Variants in CRACD observed in about 807,000 individuals in gnomAD.
CRACD encodes capping protein inhibiting regulator of actin dynamics.
A neutral mutation model predicts 106.8 loss-of-function variants in CRACD; 56 were observed. The observed-to-expected ratio is 0.52, with a 90% CI of 0.42 to 0.66. CRACD has a LOEUF of 0.66. Ranked by LOEUF, CRACD falls within the 30% of genes least tolerant of loss-of-function variation. CRACD has a pLI of 0.00. For missense variants in CRACD, 1,730 were observed against 1,623.2 expected, an observed-to-expected ratio of 1.07 and a Z score of -1.13; for synonymous variants, 754 against 670.8, an observed-to-expected ratio of 1.12 and a Z score of -1.92.
chr4:56,132,055 A>T lies in CRACD; in HGVS notation c.-335-47229A>T, dbSNP rs1460232944. Among the ~76,000 whole-genome samples, 3 of 152,208 alleles carry T rather than the reference A, an allele frequency of 2.0e-5. No individual in the cohort carries two copies. In the East Asian group the frequency reaches 5.8e-4, roughly 29 times the overall value. ...ATGGCTATACATTCAATTATATTTT[A>T]TTATTATTTTTAGACAGGGCCTTGC... On this transcript the variant is annotated intron_variant, in intron 1 of 10. Transcript: ENST00000682029.
At chr4:56,241,500 T>C (rs1434543466) in intron 2 of CRACD, among the ~76,000 whole-genome samples, 3 of 152,088 alleles carry the variant, frequency 2.0e-5, no homozygotes, top group African/African-American at 7.2e-5. Flanking sequence ...CTGTTTCTCT[T>C]TGGAAACCGG....
At chr4:56,052,505 G>A (rs1211355798) in intron 1 of CRACD, among the ~76,000 whole-genome samples, 3 of 152,082 alleles carry the variant, frequency 2.0e-5, no homozygotes, top group Non-Finnish European at 4.4e-5. Flanking sequence ...ACATCAATTG[G>A]AGTTTGAATA....
chr4:56,314,994 G>T lies in CRACD; in HGVS notation c.1492G>T (p.Val498Leu). 1 of 1,586,954 alleles carries T rather than the reference G, an allele frequency of 6.3e-7. No individual in the cohort carries two copies. The highest frequency in any genetic ancestry group is 8.6e-7 in the Non-Finnish European group (1 of 1,167,920). The change falls in exon 8 of 11, where the codon GTG becomes TTG. Residue 498 changes from valine (V) to leucine (L), a missense_variant. Val to Leu is a conservative substitution (Grantham distance 32). Around this residue, in one of 5 missense-constraint regions of CRACD, gnomAD observed 1,620 missense variants for 1,481.6 expected, o/e 1.09. Coordinates refer to ENST00000682029, the MANE Select transcript of CRACD (RefSeq NM_001393381.1). This position sits in a 1 kb window ranked among gnomAD's most constrained non-coding sequence, Gnocchi z 4.4. ...TEPLLKQEGPVEAAQPPVERK... is the reference protein window; with the variant it reads ...TEPLLKQEGPLEAAQPPVERK... ...GCCTCTCCTGAAACAAGAGGGGCCG[G>T]TGGAAGCCGCGCAGCCTCCGGTGGA... is the stretch of plus-strand genomic sequence containing the variant.
intron 4 of CRACD, 114 bp downstream of exon 4, chr4:56,298,463 C>A: frequency 8.0e-7 from 1 of 1,252,378 alleles, no homozygotes; most frequent in Non-Finnish European, 1.1e-6. Context: ...CCAGAGGTCA[C>A]TCCTGGTGAG....
At position 56,182,319 on chromosome 4, in the gene CRACD, G is replaced by A. The variant is rs1736861816; in HGVS notation, c.-189+2889G>A. Among the ~76,000 whole-genome samples the A allele has an allele frequency of 5.3e-5, 8 of 151,790 alleles. 1 individual carries two copies. The South Asian group carries it at 1.7e-3, about 32-fold the overall frequency. On this transcript the variant is annotated intron_variant, in intron 2 of 10. Transcript: ENST00000682029. Reference sequence around the variant, plus strand: ...GGGGAGGTTGAAGCTGCAGTGAGCTGAGATTTTACCACTGCACCCCAGCCT... The same window carrying A: ...GGGGAGGTTGAAGCTGCAGTGAGCTAAGATTTTACCACTGCACCCCAGCCT...
chr4:56,160,023 C>A (rs970036899), intron 1 of CRACD, among the ~76,000 whole-genome samples: 2 of 151,924 alleles, frequency 1.3e-5, no homozygotes, highest in Non-Finnish European at 2.9e-5. Context: ...TCAGGTAATT[C>A]GCCCGCCTCG....
chr4:56,127,095 T>C (rs1734684636), intron 1 of CRACD, among the ~76,000 whole-genome samples: 4 of 152,274 alleles, frequency 2.6e-5, no homozygotes, highest in Middle Eastern at 3.4e-3. Context: ...GGTGCTCTTA[T>C]GAAAGGGCTT....
At chr4:56,197,273 A>C (rs1737655030) in intron 2 of CRACD, among the ~76,000 whole-genome samples, 1 of 152,174 alleles carries the variant, frequency 6.6e-6, no homozygotes, top group Non-Finnish European at 1.5e-5. Flanking sequence ...AGATTAAAAA[A>C]AAAAATGTAG....
chr4:56,112,018 G>A (rs1223807899), intron 1 of CRACD, among the ~76,000 whole-genome samples: 1 of 152,162 alleles, frequency 6.6e-6, no homozygotes, highest in Non-Finnish European at 1.5e-5. Context: ...TGAGATAAAA[G>A]ACACTTATGA....
chr4:56,049,550 C>G (rs1268440984), intron 1 of CRACD, among the ~76,000 whole-genome samples: 1 of 152,126 alleles, frequency 6.6e-6, no homozygotes, highest in Admixed American at 6.5e-5. Context: ...GGGAACCTGC[C>G]GCCGGGCTGC....
intron 5 of CRACD, chr4:56,308,816 A>T: frequency 7.8e-7 from 1 of 1,281,674 alleles, no homozygotes; most frequent in Non-Finnish European, 1.0e-6. Flanking sequence ...AGCAACAGCC[A>T]TCGCCTTGGT....
chr4:56,293,795 A>G (rs1743831385), intron 3 of CRACD, among the ~76,000 whole-genome samples: 1 of 152,248 alleles, frequency 6.6e-6, no homozygotes, highest in African/African-American at 2.4e-5. Context: ...CATCCCCATG[A>G]TCCAGCCACC....
At chr4:56,131,544 A>G (rs1000994244) in intron 1 of CRACD, among the ~76,000 whole-genome samples, 2 of 152,188 alleles carry the variant, frequency 1.3e-5, no homozygotes, top group African/African-American at 2.4e-5. Context: ...CTTGTGTAGT[A>G]TGGAGCTTTC....
rs931285084 is a variant in CRACD at position 56,316,129 on chromosome 4, G to A, written c.2627G>A (p.Gly876Glu). 23 of 1,614,152 alleles carry A rather than the reference G, an allele frequency of 1.4e-5. No individual in the cohort carries two copies. The highest frequency in any genetic ancestry group is 1.9e-5 in the Non-Finnish European group (22 of 1,180,038). ...QKKKKRHSSTGDSADAGPPAA... is the reference protein window; with the variant it reads ...QKKKKRHSSTEDSADAGPPAA... ...AAGAAGAAGAGGCACAGCAGCACCG[G>A]AGACAGCGCGGATGCAGGGCCGCCT... The change falls in exon 8 of 11, where the codon GGA becomes GAA. Residue 876 changes from glycine to glutamate, a missense_variant. Around this residue, in one of 5 missense-constraint regions of CRACD, gnomAD observed 1,620 missense variants for 1,481.6 expected, o/e 1.09. Coordinates refer to ENST00000682029, the MANE Select transcript of CRACD (RefSeq NM_001393381.1).
chr4:56,054,314 G>T (rs554627602), intron 1 of CRACD, among the ~76,000 whole-genome samples: 1 of 152,214 alleles, frequency 6.6e-6, no homozygotes, highest in East Asian at 1.9e-4. Context: ...CTGAATAGCT[G>T]GGACCATAGG....
intron 2 of CRACD, among the ~76,000 whole-genome samples, chr4:56,269,710 C>G (rs569435825): frequency 1.3e-4 from 19 of 151,964 alleles, no homozygotes; most frequent in African/African-American, 4.6e-4. Context: ...GGACTACAGG[C>G]ACACGCCACC....
intron 1 of CRACD, among the ~76,000 whole-genome samples, chr4:56,130,959 T>G (rs1319010447): frequency 6.6e-6 from 1 of 152,180 alleles, no homozygotes; most frequent in Non-Finnish European, 1.5e-5. Context: ...TTCATTTCCT[T>G]ATATGTAAAA....
intron 3 of CRACD, among the ~76,000 whole-genome samples, chr4:56,280,045 A>G (rs1742934204): frequency 6.6e-6 from 1 of 150,974 alleles, no homozygotes; most frequent in Non-Finnish European, 1.5e-5. Context: ...TCGCAAGGAC[A>G]AAAAACCAAA....
intron 2 of CRACD, among the ~76,000 whole-genome samples, chr4:56,192,442 C>T (rs1432048397): frequency 1.3e-5 from 2 of 151,376 alleles, no homozygotes; most frequent in Non-Finnish European, 2.9e-5. Context: ...TAACTTTTAA[C>T]AATGTCATAT....
Sources: gnomAD v4.1 joint callset for allele counts (sites outside exome capture counted in the v4.1 genomes callset) on GRCh38, gnomAD v4.1.1 for gene constraint, gnomAD v4.1.1 regional missense constraint, Gnocchi (gnomAD v3.1) non-coding constraint, MANE v1.5 for transcripts, NCBI Gene and HGNC (gene_info 2026-07-23, HGNC 2026-07-21) for gene names.